RPH3A: variants seen among roughly 807,000 people sequenced by gnomAD.
RPH3A encodes the protein rabphilin-3A.
Under a neutral mutation model 102.2 loss-of-function variants are expected in RPH3A, and 48 were observed. The observed-to-expected ratio is 0.47, with a 90% CI of 0.37 to 0.60. The LOEUF (loss-of-function observed/expected upper bound fraction) is 0.60, where lower values mean the gene tolerates loss of function less well. RPH3A is among the 20% of genes least tolerant of loss of function. The pLI is 0.00. For missense variants in RPH3A, 781 were observed against 910.1 expected (o/e 0.86, Z 1.83); for synonymous variants, 310 against 324.3 (o/e 0.96, Z 0.47).
At chr12:112,717,474 G>T (rs1406493537) in intron 1 of RPH3A, among the ~76,000 whole-genome samples, 1 of 151,876 alleles carries the variant, frequency 6.6e-6, no homozygotes, top group Non-Finnish European at 1.5e-5. Flanking sequence ...TACTTTCTGT[G>T]TTATATATAA....
chr12:112,859,147 T>C (rs1411195159), intron 5 of RPH3A, among the ~76,000 whole-genome samples: 1 of 152,160 alleles, frequency 6.6e-6, no homozygotes, highest in Non-Finnish European at 1.5e-5. Flanking sequence ...GGTCTACTCT[T>C]AGTCATCAAG....
chr12:112,888,607 T>C (rs549076280), intron 17 of RPH3A, among the ~76,000 whole-genome samples: 3 of 152,362 alleles, frequency 2.0e-5, no homozygotes, highest in East Asian at 1.9e-4. Flanking sequence ...AATGGGATAC[T>C]GTAGTACTAA....
chr12:112,761,521 G>A lies in RPH3A; in HGVS notation c.-139-30622G>A, dbSNP rs142733585. Among the ~76,000 whole-genome samples the A allele has an allele frequency of 6.4e-3, 972 of 152,350 alleles. 12 individuals carry two copies. The highest frequency in any genetic ancestry group is 0.023 in the African/African-American group (939 of 41,578). ...AGATCACAGTACCAGTCAGGAGACA[G>A]AATCATGGAAAAAGTGATGCCGTCC... On this transcript the variant is annotated intron_variant, in intron 1 of 21. Transcript: ENST00000543106.
At chr12:112,865,321 C>A in intron 5 of RPH3A, 93 bp from the exon 6 acceptor site, 1 of 1,449,978 alleles carries the variant, frequency 6.9e-7, no homozygotes, top group Non-Finnish European at 9.4e-7. Context: ...GCGTATGACT[C>A]AAAGAAGGTG....
chr12:112,886,057 C>T (rs920922555), intron 16 of RPH3A, among the ~76,000 whole-genome samples: 1 of 152,152 alleles, frequency 6.6e-6, no homozygotes, highest in African/African-American at 2.4e-5. Flanking sequence ...AGTTTTTTCT[C>T]CAGTGTTAGA....
In RPH3A at chr12:112,875,754, T is replaced by G. The variant is rs749318125; in HGVS notation, c.946+13T>G. The G allele has an allele frequency of 6.2e-7, 1 of 1,613,332 alleles. No homozygotes were observed. Among genetic ancestry groups the G allele is most frequent in the Non-Finnish European group, 8.5e-7 (1 of 1,179,630 alleles). ...GATCAGAAGCCAGGCAAGTATCTGC[T>G]TCCTCCCATGCCTGCCCAAGTGGCC... On this transcript the variant is annotated intron_variant, in intron 12 of 21. Transcript: ENST00000389385.
intron 1 of RPH3A, among the ~76,000 whole-genome samples, chr12:112,739,480 C>G (rs1424051698): frequency 1.3e-5 from 2 of 152,186 alleles, no homozygotes; most frequent in East Asian, 1.9e-4. Context: ...CTGCCCTTAA[C>G]AGGGAACAAT....
intron 1 of RPH3A, among the ~76,000 whole-genome samples, chr12:112,687,156 A>G (rs2040271715): frequency 6.6e-6 from 1 of 152,176 alleles, no homozygotes; most frequent in African/African-American, 2.4e-5. Context: ...AAAACCTAAC[A>G]GTGGTTGAAA....
intron 1 of RPH3A, among the ~76,000 whole-genome samples, chr12:112,711,070 G>T (rs143820966): frequency 6.6e-6 from 1 of 152,306 alleles, no homozygotes; most frequent in East Asian, 1.9e-4. Context: ...GCGTTTGGGA[G>T]AATTCAGATC....
At chr12:112,894,733 C>A in intron 20 of RPH3A, 74 bp downstream of exon 20, 1 of 1,245,508 alleles carries the variant, frequency 8.0e-7, no homozygotes, top group Non-Finnish European at 1.1e-6. Context: ...AGCCACATAG[C>A]CATTAAATAT....
At chr12:112,681,467 T>A (rs1182983676) in intron 1 of RPH3A, among the ~76,000 whole-genome samples, 1 of 152,204 alleles carries the variant, frequency 6.6e-6, no homozygotes, top group Admixed American at 6.5e-5. Flanking sequence ...AGCCTGGGAC[T>A]CTACACTGAG....
intron 1 of RPH3A, among the ~76,000 whole-genome samples, chr12:112,783,992 G>A (rs1243605768): frequency 6.6e-6 from 1 of 152,170 alleles, no homozygotes; most frequent in Non-Finnish European, 1.5e-5. Flanking sequence ...TCTTGGAGGA[G>A]TGCTTTGAAA....
intron 1 of RPH3A, among the ~76,000 whole-genome samples, chr12:112,712,425 C>G (rs553071658): frequency 3.3e-5 from 5 of 151,972 alleles, no homozygotes; most frequent in Admixed American, 3.3e-4. Flanking sequence ...TAATAGAAAC[C>G]GCATAAATTA....
chr12:112,896,780 G>A lies in RPH3A; in HGVS notation c.2085G>A (p.Ter695=). The A allele has an allele frequency of 6.2e-7, 1 of 1,613,922 alleles. No individual in the cohort carries two copies. Among genetic ancestry groups the A allele is most frequent in the Non-Finnish European group, 8.5e-7 (1 of 1,179,950 alleles). The stretch of plus-strand genomic sequence containing the variant: ...ATGAGAACCACGTGTCAAGTGATTA[G>A]GCTAGTGCCCAGGTCCCCATCTCCA... The part of the protein sequence containing the change: ...LQNENHVSSD[*] Residue 695 remains the stop codon, a stop_retained_variant, in exon 22 of 22, where the codon TAG becomes TAA. Coordinates refer to ENST00000389385, the MANE Select transcript of RPH3A (RefSeq NM_001143854.2).
At chr12:112,584,594 G>T (rs1394591784) in intron 1 of RPH3A, among the ~76,000 whole-genome samples, 2 of 152,206 alleles carry the variant, frequency 1.3e-5, no homozygotes, top group African/African-American at 4.8e-5. Flanking sequence ...GGGCGTGATG[G>T]CTCAGAAGTC....
intron 1 of RPH3A, among the ~76,000 whole-genome samples, chr12:112,725,915 C>T (rs1159781167): frequency 6.6e-6 from 1 of 151,808 alleles, no homozygotes; most frequent in Non-Finnish European, 1.5e-5. Flanking sequence ...CCTGCCTCAG[C>T]CTCACGAGTA....
At chr12:112,811,057 C>T (rs2041566624) in intron 2 of RPH3A, among the ~76,000 whole-genome samples, 1 of 152,106 alleles carries the variant, frequency 6.6e-6, no homozygotes, top group Admixed American at 6.6e-5. Context: ...AAAGTTGCCA[C>T]AAACACTGAA....
At chr12:112,631,357 C>T (rs1382408376) in intron 1 of RPH3A, among the ~76,000 whole-genome samples, 6 of 152,108 alleles carry the variant, frequency 3.9e-5, no homozygotes, top group Non-Finnish European at 8.8e-5. Context: ...TTCTGTTGTC[C>T]TCCTTGGAGA....
Position 112,710,499 on chromosome 12 carries a change from G to A in RPH3A, c.-139-81644G>A, listed in dbSNP as rs187050633. The stretch of plus-strand genomic sequence containing the variant: ...CCCAGGCGGCCATTCCATGATCCCA[G>A]GCCACAGCACTCTGGCCTCTGCCAG... On this transcript the variant is annotated intron_variant, in intron 1 of 21. Transcript: ENST00000543106. Among the ~76,000 whole-genome samples, 353 of 152,274 alleles carry A rather than the reference G, an allele frequency of 2.3e-3. 3 individuals carry two copies. Among genetic ancestry groups the A allele is most frequent in the Non-Finnish European group, 6.8e-4 (46 of 68,020 alleles).
Sources: allele counts gnomAD v4.1 joint callset (sites outside exome capture counted in the v4.1 genomes callset), GRCh38; gene constraint gnomAD v4.1.1; transcripts MANE v1.5; gene names NCBI Gene and HGNC (gene_info 2026-07-23, HGNC 2026-07-21).